The following SLC30A6 variants were observed in gnomAD, a reference collection of about 807,000 sequenced individuals.
The protein encoded by SLC30A6 is solute carrier family 30 member 6.
SLC30A6 carries 55 observed loss-of-function variants against 63.0 expected under a neutral mutation model. The observed-to-expected ratio is 0.87, with a 90% CI of 0.70 to 1.09. The LOEUF is 1.09. SLC30A6 is among the 50% of genes least tolerant of loss of function. SLC30A6 has a pLI of 0.00. For synonymous variants in SLC30A6, 224 were observed against 186.1 expected (o/e 1.20, Z -1.66); for missense variants, 587 against 549.2 (o/e 1.07, Z -0.69).
chr2:32,204,778 T>C lies in SLC30A6; in HGVS notation c.768+86T>C, dbSNP rs142210073. On this transcript the variant is annotated intron_variant, in intron 11 of 13. Coordinates refer to ENST00000282587, the MANE Select transcript of SLC30A6 (RefSeq NM_017964.5). ...AAGTTGTATGTGTTGTTCTACAAGA[T>C]TGTGAAATTTTTATTTTTATTTTTT... 202 of 598,754 alleles carry C rather than the reference T, an allele frequency of 3.4e-4. No homozygotes were observed. In the East Asian group the frequency reaches 6.9e-3, roughly 20 times the overall value. 37.1% of individuals were successfully genotyped at this position (598,754 alleles called of 1,614,324 possible).
intron 4 of SLC30A6, among the ~76,000 whole-genome samples, chr2:32,183,686 T>TC: frequency 1.6e-5 from 1 of 63,256 alleles, no homozygotes; most frequent in East Asian, 3.7e-4. Flanking sequence ...AGACTCTGTC[T>TC]CAAAAAAAAA....
At chr2:32,180,904 T>G (rs1396979116) in intron 4 of SLC30A6, among the ~76,000 whole-genome samples, 8 of 152,242 alleles carry the variant, frequency 5.3e-5, no homozygotes, top group Non-Finnish European at 1.2e-4. Context: ...TTGAGGAAGT[T>G]TCTTTCTTTA....
At chr2:32,196,009 A>G (rs1233381644) in intron 8 of SLC30A6, among the ~76,000 whole-genome samples, 1 of 151,582 alleles carries the variant, frequency 6.6e-6, no homozygotes, top group Non-Finnish European at 1.5e-5. Context: ...ACATAGCAAG[A>G]CTCTGGCTTT....
At chr2:32,190,630 A>G (rs1409309773) in intron 5 of SLC30A6, among the ~76,000 whole-genome samples, 3 of 152,058 alleles carry the variant, frequency 2.0e-5, no homozygotes, top group African/African-American at 7.2e-5. Flanking sequence ...CAGTTGGAAT[A>G]GATTTTTTTG....
chr2:32,205,583 A>G (rs927960331), intron 11 of SLC30A6, among the ~76,000 whole-genome samples: 4 of 152,164 alleles, frequency 2.6e-5, no homozygotes, highest in African/African-American at 9.7e-5. Flanking sequence ...AAATAGTCAC[A>G]AATCTTCCTA....
Position 32,188,724 on chromosome 2 carries a change from T to G in SLC30A6, c.285-3612T>G, listed in dbSNP as rs570309805. On this transcript the variant is annotated intron_variant, in intron 5 of 13. Coordinates refer to ENST00000282587, the MANE Select transcript of SLC30A6 (RefSeq NM_017964.5). ...ATTTCATAGAAGTAGGGACCCTGTC[T>G]TGTTTTCTGTAATATCTTTGTGCAA... Among the ~76,000 whole-genome samples the G allele has an allele frequency of 2.0e-5, 3 of 152,252 alleles. No individual in the cohort carries two copies. In the South Asian group the frequency reaches 6.2e-4, roughly 32 times the overall value.
At chr2:32,171,773 A>G (rs1034432715) in intron 2 of SLC30A6, among the ~76,000 whole-genome samples, 2 of 151,804 alleles carry the variant, frequency 1.3e-5, no homozygotes, top group African/African-American at 4.8e-5. Context: ...GCTCACCGCA[A>G]CCTCTGCCTC....
At chr2:32,171,880 G>C (rs968334684) in intron 2 of SLC30A6, among the ~76,000 whole-genome samples, 10 of 152,096 alleles carry the variant, frequency 6.6e-5, no homozygotes, top group Admixed American at 2.0e-4. Context: ...TTTTAGTAGA[G>C]ATGGGGTTTC....
intron 5 of SLC30A6, among the ~76,000 whole-genome samples, chr2:32,185,347 C>T (rs1486489087): frequency 6.7e-6 from 1 of 149,246 alleles, no homozygotes; most frequent in Non-Finnish European, 1.5e-5. Context: ...AAGAGTAAGA[C>T]CCTGTCTCAA....
chr2:32,185,209 T>C (rs1271639599), intron 5 of SLC30A6, among the ~76,000 whole-genome samples: 1 of 152,106 alleles, frequency 6.6e-6, no homozygotes, highest in African/African-American at 2.4e-5. Context: ...AAAATGTTTT[T>C]AATTAGCTGC....
chr2:32,165,867 A>T lies in SLC30A6; in HGVS notation c.-34A>T. 6.2e-7 allele frequency: 1 copy of T among 1,613,858 alleles called. No homozygotes were observed. Among genetic ancestry groups the T allele is most frequent in the Non-Finnish European group, 8.5e-7 (1 of 1,179,856 alleles). ...TTCTGGGAAAACTCGAGCACCCAGAACGGCTTCCGGCGGGAGCTGTGCAGC... is the reference window on the plus strand; with the variant it reads ...TTCTGGGAAAACTCGAGCACCCAGATCGGCTTCCGGCGGGAGCTGTGCAGC... On this transcript the variant is annotated 5_prime_UTR_variant, in exon 1 of 14. Transcript: ENST00000282587.
At position 32,179,067 on chromosome 2, in the gene SLC30A6, C is replaced by T. The variant is rs1682053668; in HGVS notation, c.218+3706C>T. On this transcript the variant is annotated intron_variant, in intron 4 of 13. Coordinates refer to ENST00000282587, the MANE Select transcript of SLC30A6 (RefSeq NM_017964.5). ...TAGAAATGAGGTCTTCTTATGTTGC[C>T]CAGGCAAGTCACAAATTTCTGGGCT... Among the ~76,000 whole-genome samples, 7 of 152,058 alleles carry T rather than the reference C, an allele frequency of 4.6e-5. No individual in the cohort carries two copies. In the South Asian group the frequency reaches 1.5e-3, roughly 32 times the overall value.
At chr2:32,215,516 ATTTT>A (rs10681739) in intron 13 of SLC30A6, among the ~76,000 whole-genome samples, 2 of 132,484 alleles carry the variant, frequency 1.5e-5, no homozygotes, top group Non-Finnish European at 3.1e-5. Flanking sequence ...ATATATATAT[ATTTT>A]TTTTTTTTTT....
intron 5 of SLC30A6, among the ~76,000 whole-genome samples, chr2:32,188,626 G>A (rs773904418): frequency 3.3e-5 from 5 of 152,088 alleles, no homozygotes; most frequent in Non-Finnish European, 5.9e-5. Flanking sequence ...ACCGGGAGGC[G>A]GAGACTGCAG....
chr2:32,192,256 A>T (rs1420781650), intron 5 of SLC30A6, 80 bp from the exon 6 acceptor site: 4 of 1,306,108 alleles, frequency 3.1e-6, no homozygotes, highest in Non-Finnish European at 4.4e-6. Context: ...TGAGCAAATA[A>T]ATGAATGTAA....
chr2:32,166,263 C>T (rs1558358396), intron 1 of SLC30A6, among the ~76,000 whole-genome samples: 1 of 151,152 alleles, frequency 6.6e-6, no homozygotes, highest in Admixed American at 6.6e-5. Context: ...ACAGCAACAA[C>T]TGTAATAGTG....
chr2:32,210,642 TAAAAA>T (rs201430390), intron 13 of SLC30A6, among the ~76,000 whole-genome samples: 2 of 151,566 alleles, frequency 1.3e-5, no homozygotes, highest in African/African-American at 4.8e-5. Flanking sequence ...ACAGTATCAT[TAAAAA>T]AAACAGATAG....
At chr2:32,220,067 A>C (rs2148919215) in intron 13 of SLC30A6, 146 bp from the exon 14 acceptor site, 1 of 804,160 alleles carries the variant, frequency 1.2e-6, no homozygotes, top group African/African-American at 1.7e-5. Context: ...ACCAGCAAGT[A>C]GTCTTTAAGA....
At chr2:32,210,858 A>G (rs1685200416) in intron 13 of SLC30A6, among the ~76,000 whole-genome samples, 2 of 152,146 alleles carry the variant, frequency 1.3e-5, no homozygotes, top group South Asian at 2.1e-4. Context: ...TACAAGAAAA[A>G]CTTGAGACTG....
Sources: allele counts gnomAD v4.1 joint callset (sites outside exome capture counted in the v4.1 genomes callset), GRCh38; gene constraint gnomAD v4.1.1; transcripts MANE v1.5; gene names NCBI Gene and HGNC (gene_info 2026-07-23, HGNC 2026-07-21).